UBAC2: variants seen among roughly 807,000 people sequenced by gnomAD.
UBAC2 encodes ubiquitin-associated domain-containing protein 2.
UBAC2 carries 26 observed loss-of-function variants against 44.0 expected under a neutral mutation model. The observed-to-expected ratio is 0.59, with a 90% CI of 0.43 to 0.82. The LOEUF (loss-of-function observed/expected upper bound fraction) is 0.82. Ranked by LOEUF, UBAC2 falls within the 40% of genes least tolerant of loss-of-function variation. The probability of loss-of-function intolerance (pLI) is 0.00; values close to 1 mark genes in which losing one functional copy is unlikely to be tolerated. For missense variants in UBAC2, 329 were observed against 419.4 expected (o/e 0.78, Z 1.88); for synonymous variants, 155 against 154.3 (o/e 1.00, Z -0.04).
At chr13:99,223,500 C>T (rs1474617611) in intron 1 of UBAC2, among the ~76,000 whole-genome samples, 1 of 128,778 alleles carries the variant, frequency 7.8e-6, no homozygotes, top group Non-Finnish European at 1.7e-5. Context: ...TTCTTTATAT[C>T]TGCTTGCTTA....
At chr13:99,351,703 A>C (rs1299986679) in intron 7 of UBAC2, 1 of 456,738 alleles carries the variant, frequency 2.2e-6, no homozygotes, top group Admixed American at 2.3e-5. Flanking sequence ...ATTTCCATCT[A>C]TTTTAGAAGC....
chr13:99,316,771 A>G (rs939650106), intron 5 of UBAC2, among the ~76,000 whole-genome samples: 18 of 152,366 alleles, frequency 1.2e-4, no homozygotes, highest in African/African-American at 3.6e-4. Flanking sequence ...GAGACCTGGA[A>G]GAGTGGAGAG....
intron 1 of UBAC2, among the ~76,000 whole-genome samples, chr13:99,207,113 G>C (rs2042881861): frequency 6.6e-6 from 1 of 152,204 alleles, no homozygotes; most frequent in South Asian, 2.1e-4. Flanking sequence ...TTCTCCTGCG[G>C]GTGCCTTAGT....
intron 4 of UBAC2, chr13:99,294,685 A>G (rs2044141308): frequency 6.4e-6 from 1 of 156,128 alleles, no homozygotes; most frequent in South Asian, 2.0e-4. Flanking sequence ...TTATTTAAAA[A>G]GTATGTTACA....
intron 4 of UBAC2, among the ~76,000 whole-genome samples, chr13:99,262,733 A>T (rs1443480255): frequency 6.8e-6 from 1 of 146,198 alleles, no homozygotes; most frequent in African/African-American, 2.5e-5. Context: ...AAAAAAAAAA[A>T]AAAAAAAGGA....
chr13:99,355,206 A>G (rs2045158969), intron 7 of UBAC2, among the ~76,000 whole-genome samples: 1 of 152,232 alleles, frequency 6.6e-6, no homozygotes, highest in African/African-American at 2.4e-5. Context: ...TTTGACTTTT[A>G]CTTTATAATT....
intron 7 of UBAC2, among the ~76,000 whole-genome samples, chr13:99,353,173 A>G (rs1360571109): frequency 6.6e-6 from 1 of 152,268 alleles, no homozygotes; most frequent in East Asian, 1.9e-4. Context: ...ATAAGTATAT[A>G]GCATCAGATG....
intron 4 of UBAC2, among the ~76,000 whole-genome samples, chr13:99,305,934 C>T (rs1284901561): frequency 6.6e-6 from 1 of 152,086 alleles, no homozygotes; most frequent in Non-Finnish European, 1.5e-5. Flanking sequence ...CTCGCATGGT[C>T]GCCCAGGCTA....
intron 8 of UBAC2, among the ~76,000 whole-genome samples, chr13:99,381,010 A>T (rs1293445166): frequency 6.6e-6 from 1 of 152,232 alleles, no homozygotes; most frequent in Non-Finnish European, 1.5e-5. Context: ...GTGAAAAGCC[A>T]GTCTTAGTTG....
At chr13:99,229,209 G>A (rs952688006) in intron 1 of UBAC2, among the ~76,000 whole-genome samples, 1 of 152,180 alleles carries the variant, frequency 6.6e-6, no homozygotes, top group Admixed American at 6.5e-5. Flanking sequence ...TGGGAACGAG[G>A]GTGCAGAGTG....
At chr13:99,267,654 A>G (rs1287379693) in intron 4 of UBAC2, among the ~76,000 whole-genome samples, 5 of 152,206 alleles carry the variant, frequency 3.3e-5, no homozygotes, top group African/African-American at 9.6e-5. Context: ...TCTGAAAGGT[A>G]TCTGCCTTTA....
At chr13:99,318,286 G>A (rs1468018607) in intron 6 of UBAC2, among the ~76,000 whole-genome samples, 2 of 151,894 alleles carry the variant, frequency 1.3e-5, no homozygotes, top group Non-Finnish European at 2.9e-5. Context: ...TCCTGCCTTA[G>A]CCTCCAGAGT....
intron 4 of UBAC2, among the ~76,000 whole-genome samples, chr13:99,247,184 A>G (rs952399948): frequency 7.1e-6 from 1 of 141,174 alleles, no homozygotes; most frequent in Non-Finnish European, 1.5e-5. Context: ...AACTAAAGAG[A>G]GAAAACTACT....
At chr13:99,236,493 A>G (rs1166483278) in intron 1 of UBAC2, among the ~76,000 whole-genome samples, 1 of 152,254 alleles carries the variant, frequency 6.6e-6, no homozygotes, top group Non-Finnish European at 1.5e-5. Context: ...AGAGAAATGC[A>G]AATCAAAACC....
intron 7 of UBAC2, among the ~76,000 whole-genome samples, chr13:99,341,869 G>A (rs1457936442): frequency 1.3e-5 from 2 of 152,062 alleles, no homozygotes; most frequent in African/African-American, 4.8e-5. Flanking sequence ...AAAGAAGTAG[G>A]GGATGGTTCT....
chr13:99,235,216 A>T (rs144183700), intron 1 of UBAC2, among the ~76,000 whole-genome samples: 1 of 152,230 alleles, frequency 6.6e-6, no homozygotes, highest in Non-Finnish European at 1.5e-5. Flanking sequence ...CCAGGAATCA[A>T]TTAACCAAAG....
At chr13:99,324,423 C>T (rs1594128138) in intron 6 of UBAC2, among the ~76,000 whole-genome samples, 1 of 152,038 alleles carries the variant, frequency 6.6e-6, no homozygotes, top group South Asian at 2.1e-4. Context: ...AAAAGCAGGG[C>T]CCGGAGAGGG....
intron 8 of UBAC2, among the ~76,000 whole-genome samples, chr13:99,383,909 C>T (rs1381023483): frequency 6.6e-6 from 1 of 152,264 alleles, no homozygotes; most frequent in Non-Finnish European, 1.5e-5. Flanking sequence ...CCTCTCTACT[C>T]TCTGCACCTT....
At chr13:99,370,756 G>A (rs2045395122) in intron 8 of UBAC2, among the ~76,000 whole-genome samples, 1 of 152,122 alleles carries the variant, frequency 6.6e-6, no homozygotes, top group South Asian at 2.1e-4. Context: ...AGCCCCTCCC[G>A]CTTGCCACTT....
Sources: gnomAD v4.1 joint callset for allele counts (sites outside exome capture counted in the v4.1 genomes callset) on GRCh38, gnomAD v4.1.1 for gene constraint, MANE v1.5 for transcripts, NCBI Gene and HGNC (gene_info 2026-07-23, HGNC 2026-07-21) for gene names.